Variants in GRM7 observed in about 807,000 individuals in gnomAD.
GRM7 encodes glutamate metabotropic receptor 7.
Under a neutral mutation model 84.5 loss-of-function variants are expected in GRM7, and 35 were observed. The observed-to-expected ratio is 0.41, with a 90% CI of 0.32 to 0.55. The LOEUF is 0.55. Ranked by LOEUF, GRM7 falls within the 20% of genes least tolerant of loss-of-function variation. GRM7 has a pLI of 0.19. For synonymous variants in GRM7, 487 were observed against 455.1 expected, an observed-to-expected ratio of 1.07 and a Z score of -0.89; for missense variants, 1,003 against 1,194.6, an observed-to-expected ratio of 0.84 and a Z score of 2.36.
chr3:7,478,589 G>A (rs1699013866), intron 7 of GRM7, among the ~76,000 whole-genome samples: 1 of 152,160 alleles, frequency 6.6e-6, no homozygotes, highest in Non-Finnish European at 1.5e-5. Context: ...ATGGTCAACA[G>A]CTCTTGATGA....
At chr3:7,332,600 G>A (rs1332170539) in intron 4 of GRM7, among the ~76,000 whole-genome samples, 1 of 152,100 alleles carries the variant, frequency 6.6e-6, no homozygotes. Flanking sequence ...CTCTAAGGGG[G>A]AAAATGGTGG....
At chr3:7,700,760 G>A (rs969733726) in intron 9 of GRM7, among the ~76,000 whole-genome samples, 3 of 152,080 alleles carry the variant, frequency 2.0e-5, no homozygotes, top group South Asian at 2.1e-4. Context: ...CATCTGCCAC[G>A]CATTGTTAGG....
intron 7 of GRM7, among the ~76,000 whole-genome samples, chr3:7,559,705 T>G (rs1043216380): frequency 6.6e-6 from 1 of 152,118 alleles, no homozygotes; most frequent in Non-Finnish European, 1.5e-5. Context: ...TTTATACAAA[T>G]CAGTGGTCTT....
chr3:7,606,017 G>GT (rs1444992816), intron 8 of GRM7, among the ~76,000 whole-genome samples: 1 of 152,202 alleles, frequency 6.6e-6, no homozygotes, highest in Admixed American at 6.5e-5. Context: ...GTTGTTGCCT[G>GT]TATCATCAGA....
At chr3:6,889,237 T>G (rs1194371766) in intron 1 of GRM7, among the ~76,000 whole-genome samples, 5 of 152,094 alleles carry the variant, frequency 3.3e-5, no homozygotes, top group Admixed American at 6.5e-5. Flanking sequence ...TTCTCCTGCC[T>G]GATTGACCTG....
rs999110609 is a variant in GRM7 at position 7,666,901 on chromosome 3, C to A, written c.2452-13148C>A. 2.0e-5 allele frequency among the ~76,000 whole-genome samples: 3 copies of A among 152,112 alleles called. No individual in the cohort carries two copies. In the South Asian group the frequency reaches 6.2e-4, roughly 32 times the overall value. The stretch of plus-strand genomic sequence containing the variant: ...ACACTTAAGGTTCCAATTTGTGCAA[C>A]CAGGTAGATAAATAGTTCCCAAGAA... On this transcript the variant is annotated intron_variant, in intron 8 of 9. Coordinates refer to ENST00000357716, the MANE Select transcript of GRM7 (RefSeq NM_000844.4).
Position 7,680,585 on chromosome 3 carries a change from C to T in GRM7, c.2698+290C>T, listed in dbSNP as rs77645897. ...TACTGAATCCTCCAACTGACAAATG[C>T]ACCTATCAGGTTGTTCTTTTCTTGC... On this transcript the variant is annotated intron_variant, in intron 9 of 9. Transcript: ENST00000357716. 62 of 389,056 alleles carry T rather than the reference C, an allele frequency of 1.6e-4. 1 individual carries two copies. The highest frequency in any genetic ancestry group is 1.0e-3 in the African/African-American group (50 of 49,164). 24.1% of individuals were successfully genotyped at this position (389,056 alleles called of 1,614,324 possible). A position where few individuals can be genotyped will look rare whatever the true frequency, so the allele number is the denominator to read the frequency against.
At chr3:7,439,018 T>G (rs1697177155) in intron 5 of GRM7, among the ~76,000 whole-genome samples, 1 of 152,128 alleles carries the variant, frequency 6.6e-6, no homozygotes, top group Non-Finnish European at 1.5e-5. Flanking sequence ...ATACAAAGCA[T>G]AAGTTCATCA....
intron 1 of GRM7, among the ~76,000 whole-genome samples, chr3:6,926,712 G>A (rs193087950): frequency 1.4e-4 from 22 of 152,252 alleles, no homozygotes; most frequent in Middle Eastern, 3.4e-3. Flanking sequence ...ACCACCCCTC[G>A]GGTTGAGTTA....
chr3:6,934,184 A>G (rs1697605533), intron 1 of GRM7, among the ~76,000 whole-genome samples: 1 of 152,202 alleles, frequency 6.6e-6, no homozygotes, highest in African/African-American at 2.4e-5. Flanking sequence ...CTAGGGATTG[A>G]AGGCCTTGAA....
chr3:6,994,796 ATTG>A (rs912681634), intron 1 of GRM7, among the ~76,000 whole-genome samples: 4 of 152,164 alleles, frequency 2.6e-5, no homozygotes, highest in African/African-American at 4.8e-5. Flanking sequence ...TTTAAAAATA[ATTG>A]TTGTTGTTTT....
At position 7,410,582 on chromosome 3, in the gene GRM7, A is replaced by AAT. The variant is rs766928937; in HGVS notation, c.1034-4425_1034-4424dup. On this transcript the variant is annotated intron_variant, in intron 4 of 9. Transcript: ENST00000357716. ...GAAAGACCCTGTCTCAAAAAAACAA[A>AAT]ATATATATATATATATACACACACA... Among the ~76,000 whole-genome samples the AAT allele has an allele frequency of 7.6e-3, 860 of 113,760 alleles. 8 individuals are homozygous for AAT. Among genetic ancestry groups the AAT allele is most frequent in the African/African-American group, 0.019 (535 of 27,978 alleles). 74.6% of individuals were successfully genotyped at this position (113,760 alleles called of 152,430 possible).
At chr3:7,574,784 C>G (rs1342990978) in intron 7 of GRM7, among the ~76,000 whole-genome samples, 1 of 152,140 alleles carries the variant, frequency 6.6e-6, no homozygotes, top group Non-Finnish European at 1.5e-5. Flanking sequence ...AATGGCAACT[C>G]CTGCAGTGAG....
intron 7 of GRM7, among the ~76,000 whole-genome samples, chr3:7,510,887 G>A (rs1171187582): frequency 6.6e-6 from 1 of 152,174 alleles, no homozygotes; most frequent in Non-Finnish European, 1.5e-5. Flanking sequence ...CAGTGGCAGA[G>A]TGGAATAACT....
chr3:7,739,258 T>C (rs1293661125), intron 9 of GRM7, among the ~76,000 whole-genome samples: 1 of 152,210 alleles, frequency 6.6e-6, no homozygotes, highest in Non-Finnish European at 1.5e-5. Flanking sequence ...GTACTACTTG[T>C]ATTATTCAAA....
intron 7 of GRM7, among the ~76,000 whole-genome samples, chr3:7,576,301 G>C (rs1043193519): frequency 2.0e-5 from 3 of 152,204 alleles, no homozygotes; most frequent in African/African-American, 4.8e-5. Flanking sequence ...TACTGAGAAA[G>C]AGAAGATTGT....
At chr3:7,341,109 G>C (rs1701619967) in intron 4 of GRM7, among the ~76,000 whole-genome samples, 1 of 152,148 alleles carries the variant, frequency 6.6e-6, no homozygotes, top group Non-Finnish European at 1.5e-5. Context: ...TTTTGGCTCA[G>C]AGAAGAGAAC....
chr3:7,596,100 G>A (rs1200569006), intron 8 of GRM7, among the ~76,000 whole-genome samples: 2 of 152,230 alleles, frequency 1.3e-5, no homozygotes, highest in Non-Finnish European at 2.9e-5. Flanking sequence ...TAGAGGTGTT[G>A]CAAAATGGTT....
intron 7 of GRM7, among the ~76,000 whole-genome samples, chr3:7,543,216 G>T (rs535251734): frequency 5.3e-5 from 8 of 152,256 alleles, no homozygotes; most frequent in Admixed American, 2.0e-4. Context: ...ACCACTTACT[G>T]TGTGCCTACT....
Sources: gnomAD v4.1 joint callset for allele counts (sites outside exome capture counted in the v4.1 genomes callset) on GRCh38, gnomAD v4.1.1 for gene constraint, MANE v1.5 for transcripts, NCBI Gene and HGNC (gene_info 2026-07-23, HGNC 2026-07-21) for gene names.